Variants in ZNF69 observed in about 807,000 individuals in gnomAD.
ZNF69 encodes ZNF3.
Under a neutral mutation model 50.9 loss-of-function variants are expected in ZNF69, and 47 were observed. The observed-to-expected ratio is 0.92, with a 90% CI of 0.73 to 1.18. The LOEUF is 1.18. Among genes scored for constraint, ZNF69 ranks in the 50% most tolerant of loss-of-function variants. ZNF69 has a pLI of 0.00. For synonymous variants in ZNF69, 216 were observed against 223.1 expected (o/e 0.97, Z 0.29); for missense variants, 717 against 675.1 (o/e 1.06, Z -0.69).
the ZNF69 span, chr19:11,924,948 G>A: frequency 4.0e-5 from 17 of 420,446 alleles, no homozygotes; most frequent in Middle Eastern, 9.3e-4. Context: ...CCTTAGAGAA[G>A]CTGTGGCTAG....
At chr19:11,945,883 T>G in the ZNF69 span, among the ~76,000 whole-genome samples, 1 of 152,114 alleles carries the variant, frequency 6.6e-6, no homozygotes, top group Non-Finnish European at 1.5e-5. Context: ...GATTACTTCA[T>G]GTACCCCTAT....
chr19:11,959,988 A>G, the ZNF69 span, among the ~76,000 whole-genome samples: 182 of 149,572 alleles, frequency 1.2e-3, no homozygotes, highest in African/African-American at 4.3e-3. Flanking sequence ...TCTGTGTTGC[A>G]GTTCCCAGTC....
the ZNF69 span, chr19:11,977,510 A>G: frequency 1.3e-6 from 2 of 1,512,428 alleles, no homozygotes; most frequent in South Asian, 1.2e-5. Context: ...AGTAAAACAA[A>G]GAACTAAGTC....
the ZNF69 span, among the ~76,000 whole-genome samples, chr19:11,931,482 A>AT: frequency 6.7e-6 from 1 of 148,186 alleles, no homozygotes; most frequent in Admixed American, 6.6e-5. Flanking sequence ...TTAATGTATG[A>AT]TTTTTTTGGA....
chr19:11,978,939 C>T, the ZNF69 span: 1 of 1,614,158 alleles, frequency 6.2e-7, no homozygotes, highest in Admixed American at 1.7e-5. Flanking sequence ...GGGAGAGAAG[C>T]CTTATCAATG....
chr19:11,896,137 A>T (rs1977221069), intron 1 of ZNF69, among the ~76,000 whole-genome samples: 2 of 149,138 alleles, frequency 1.3e-5, no homozygotes, highest in Admixed American at 1.4e-4. Context: ...GAGAATCACG[A>T]GAACCTGGGA....
rs138349466 is a variant in ZNF69 at position 11,894,995 on chromosome 19, T to C, written c.63+7009T>C. 7.8e-3 allele frequency among the ~76,000 whole-genome samples: 1,195 copies of C among 152,324 alleles called. 11 individuals carry two copies. Among genetic ancestry groups the C allele is most frequent in the Non-Finnish European group, 0.014 (924 of 68,028 alleles). On this transcript the variant is annotated intron_variant, in intron 1 of 3. Transcript: ENST00000429654. ...GTGCGGTGTTGGTGGAAAGTAGTCA[T>C]GAGCGCTTCGGTGAGCAGGATGGGG...
chr19:11,974,121 C>CT, the ZNF69 span, among the ~76,000 whole-genome samples: 438 of 74,852 alleles, frequency 5.9e-3, no homozygotes, highest in Middle Eastern at 0.038. Flanking sequence ...TTCTTTCTTT[C>CT]TTTCTTTTCT....
intron 1 of ZNF69, among the ~76,000 whole-genome samples, chr19:11,902,790 G>T (rs1972274224): frequency 6.6e-6 from 1 of 151,802 alleles, no homozygotes; most frequent in South Asian, 2.1e-4. Context: ...CCTCAGGACT[G>T]CTAATGTTAA....
chr19:11,925,130 C>A, the ZNF69 span: 1 of 1,546,608 alleles, frequency 6.5e-7, no homozygotes, highest in Non-Finnish European at 8.8e-7. Flanking sequence ...GCTGCGCGGG[C>A]GGCGGTTGGT....
chr19:11,970,641 T>C, the ZNF69 span, among the ~76,000 whole-genome samples: 1 of 152,190 alleles, frequency 6.6e-6, no homozygotes, highest in Non-Finnish European at 1.5e-5. Context: ...CATAGTTTCA[T>C]ATTACCTTAA....
the ZNF69 span, among the ~76,000 whole-genome samples, chr19:11,975,301 C>T: frequency 2.0e-5 from 3 of 152,018 alleles, no homozygotes; most frequent in Admixed American, 2.0e-4. Context: ...GAACTCCCAA[C>T]CTCAGATGAT....
At chr19:11,901,117 G>A (rs2145229695) in intron 1 of ZNF69, among the ~76,000 whole-genome samples, 1 of 152,246 alleles carries the variant, frequency 6.6e-6, no homozygotes, top group Non-Finnish European at 1.5e-5. Context: ...GTCTCCTTAT[G>A]TTGCCCAGGC....
At chr19:11,904,352 T>C (rs115469935) in intron 3 of ZNF69, among the ~76,000 whole-genome samples, 7 of 152,292 alleles carry the variant, frequency 4.6e-5, no homozygotes, top group African/African-American at 1.7e-4. Flanking sequence ...TGCACTCCAG[T>C]GTGGGCAACA....
chr19:11,958,091 G>A, the ZNF69 span, among the ~76,000 whole-genome samples: 14 of 152,184 alleles, frequency 9.2e-5, no homozygotes, highest in East Asian at 1.2e-3. Flanking sequence ...AAAGGATGGG[G>A]GATTTCATGA....
At chr19:11,939,515 C>T in the ZNF69 span, among the ~76,000 whole-genome samples, 11 of 152,222 alleles carry the variant, frequency 7.2e-5, no homozygotes, top group African/African-American at 1.2e-4. Flanking sequence ...TTGTCAGGTT[C>T]GTCAAAGATC....
chr19:11,963,207 A>G, the ZNF69 span, among the ~76,000 whole-genome samples: 3 of 151,968 alleles, frequency 2.0e-5, no homozygotes, highest in Non-Finnish European at 4.4e-5. Context: ...CTCCTGCCTC[A>G]GCCTCCTGAC....
intron 1 of ZNF69, among the ~76,000 whole-genome samples, chr19:11,892,135 A>ATTTTTTT (rs4071659): frequency 1.1e-4 from 13 of 113,932 alleles, no homozygotes; most frequent in East Asian, 5.2e-4. Context: ...CTCCTGGCTG[A>ATTTTTTT]TTTTTTTTTT....
intron 1 of ZNF69, among the ~76,000 whole-genome samples, chr19:11,896,508 G>A (rs149963824): frequency 0.042 from 6,458 of 152,068 alleles, 184 homozygotes; most frequent in Non-Finnish European, 0.068. Flanking sequence ...GTAAGGGCCC[G>A]CTTCCTGGTT....
Sources: gnomAD v4.1 joint callset for allele counts (sites outside exome capture counted in the v4.1 genomes callset) on GRCh38, gnomAD v4.1.1 for gene constraint, MANE v1.5 for transcripts, NCBI Gene and HGNC (gene_info 2026-07-23, HGNC 2026-07-21) for gene names.